Variants in SYN3 observed in about 807,000 individuals in gnomAD.
SYN3 encodes the protein synapsin-3.
SYN3 carries 35 observed loss-of-function variants against 65.8 expected under a neutral mutation model. The observed-to-expected ratio is 0.53, with a 90% confidence interval of 0.41 to 0.70. The LOEUF is 0.70. Among genes scored for constraint, SYN3 ranks in the 30% least tolerant of loss-of-function variants. The pLI is 0.00. For synonymous variants in SYN3, 270 were observed against 292.9 expected (o/e 0.92, Z 0.80); for missense variants, 680 against 749.0 (o/e 0.91, Z 1.08).
At chr22:32,649,764 G>T (rs1162199117) in intron 6 of SYN3, among the ~76,000 whole-genome samples, 1 of 152,204 alleles carries the variant, frequency 6.6e-6, no homozygotes, top group African/African-American at 2.4e-5. Context: ...CCCTGGTGAG[G>T]GGCTGGTTGG....
At chr22:32,555,226 G>T (rs937901490) in intron 7 of SYN3, among the ~76,000 whole-genome samples, 2 of 152,106 alleles carry the variant, frequency 1.3e-5, no homozygotes, top group Non-Finnish European at 2.9e-5. Context: ...ACAGAAAACT[G>T]GGTCTTAACA....
At chr22:32,722,592 T>C (rs776541139) in intron 6 of SYN3, among the ~76,000 whole-genome samples, 27 of 152,180 alleles carry the variant, frequency 1.8e-4, no homozygotes, top group Non-Finnish European at 3.7e-4. Context: ...GTCAGGCGGA[T>C]AGAAGTCTGG....
chr22:32,614,780 T>C (rs1270770087), intron 6 of SYN3, among the ~76,000 whole-genome samples: 1 of 152,188 alleles, frequency 6.6e-6, no homozygotes, highest in Non-Finnish European at 1.5e-5. Context: ...GCTTGTCAAA[T>C]GAAGCTGTGA....
chr22:32,528,110 C>G, intron 11 of SYN3, 105 bp from the exon 12 acceptor site: 1 of 883,218 alleles, frequency 1.1e-6, no homozygotes, highest in East Asian at 2.7e-5. Flanking sequence ...AGAAGAGACT[C>G]TTACACATAA....
intron 6 of SYN3, among the ~76,000 whole-genome samples, chr22:32,648,949 G>A (rs34173195): frequency 0.043 from 6,495 of 152,184 alleles, 233 homozygotes; most frequent in Non-Finnish European, 0.06. Context: ...AAACAAAGAG[G>A]CCCCTGGATG....
chr22:32,810,429 G>A (rs898608332), intron 6 of SYN3, among the ~76,000 whole-genome samples: 1 of 151,952 alleles, frequency 6.6e-6, no homozygotes, highest in African/African-American at 2.4e-5. Flanking sequence ...GGCTTTTTGT[G>A]GGGGTGGGGA....
chr22:33,026,420 C>T (rs5994657), intron 1 of SYN3, among the ~76,000 whole-genome samples: 25 of 152,292 alleles, frequency 1.6e-4, no homozygotes, highest in African/African-American at 5.5e-4. Context: ...TCCTGGAGTG[C>T]TCCAGATCAC....
intron 4 of SYN3, among the ~76,000 whole-genome samples, chr22:32,903,914 C>A (rs556652275): frequency 1.3e-5 from 2 of 152,340 alleles, no homozygotes; most frequent in South Asian, 2.1e-4. Flanking sequence ...TTTGCACCTA[C>A]TATGTATTGG....
In SYN3 at chr22:32,682,785, G is replaced by A. The variant is rs2060541210; in HGVS notation, c.712-86049C>T. On this transcript the variant is annotated intron_variant, in intron 6 of 13. Coordinates refer to ENST00000358763, the MANE Select transcript of SYN3 (RefSeq NM_003490.4). ...TTTTCACCAATAGGGTGGATGCCTG[G>A]ACTGCAGGTAGGCACATGCCCTTGT... Among the ~76,000 whole-genome samples, 3 of 152,160 alleles carry A rather than the reference G, an allele frequency of 2.0e-5. No homozygotes were observed. In the South Asian group the frequency reaches 6.2e-4, roughly 32 times the overall value.
chr22:32,874,289 AG>A (rs1231589913), intron 4 of SYN3, among the ~76,000 whole-genome samples: 4 of 152,132 alleles, frequency 2.6e-5, no homozygotes, highest in African/African-American at 9.7e-5. Context: ...TCCTGGCCGC[AG>A]GTTGTAGCTG....
At chr22:32,976,889 C>T (rs2052206642) in intron 3 of SYN3, among the ~76,000 whole-genome samples, 1 of 152,056 alleles carries the variant, frequency 6.6e-6, no homozygotes, top group Admixed American at 6.5e-5. Flanking sequence ...TTAATTTGGC[C>T]CTTGGTTGGG....
At chr22:32,666,807 A>C (rs1199519935) in intron 6 of SYN3, among the ~76,000 whole-genome samples, 1 of 152,092 alleles carries the variant, frequency 6.6e-6, no homozygotes, top group East Asian at 1.9e-4. Flanking sequence ...TATTTTGTTC[A>C]AATATCTAAG....
At chr22:33,043,313 C>T (rs1388267849) in intron 1 of SYN3, among the ~76,000 whole-genome samples, 2 of 152,146 alleles carry the variant, frequency 1.3e-5, no homozygotes, top group Non-Finnish European at 2.9e-5. Flanking sequence ...TTTGGGAGGC[C>T]GAGGTGGGCG....
Position 32,589,124 on chromosome 22 carries a change from G to A in SYN3, c.774+7550C>T, listed in dbSNP as rs372277680. On this transcript the variant is annotated intron_variant, in intron 7 of 13. Coordinates refer to ENST00000358763, the MANE Select transcript of SYN3 (RefSeq NM_003490.4). ...AGCCCTGCTCTGCAGGAGGAGTCACGGAGCTGTAACACTGCTGACTCAATA... is the reference window on the plus strand; with the variant it reads ...AGCCCTGCTCTGCAGGAGGAGTCACAGAGCTGTAACACTGCTGACTCAATA... 2.4e-4 allele frequency among the ~76,000 whole-genome samples: 37 copies of A among 152,286 alleles called. No individual in the cohort carries two copies. The Middle Eastern group carries it at 0.01, about 42-fold the overall frequency.
At chr22:32,915,875 A>T (rs185680631) in intron 4 of SYN3, among the ~76,000 whole-genome samples, 2 of 152,142 alleles carry the variant, frequency 1.3e-5, no homozygotes, top group East Asian at 3.9e-4. Flanking sequence ...TTGAAGGGGG[A>T]AATGGTGGAT....
intron 7 of SYN3, among the ~76,000 whole-genome samples, chr22:32,560,430 A>G (rs537016270): frequency 6.6e-6 from 1 of 152,238 alleles, no homozygotes; most frequent in African/African-American, 2.4e-5. Context: ...TTGGGACACT[A>G]TTTCTCATAG....
intron 6 of SYN3, among the ~76,000 whole-genome samples, chr22:32,671,410 C>T (rs1367354912): frequency 6.6e-6 from 1 of 151,962 alleles, no homozygotes; most frequent in East Asian, 1.9e-4. Context: ...ACACTCATCT[C>T]ACATACATAC....
Position 32,807,370 on chromosome 22 carries a change from TTA to T in SYN3, c.711+57543_711+57544del, listed in dbSNP as rs1457828240. ...ATAAATATATAATATATAATATATA[TTA>T]TATATAATATATATTATATATAATA... On this transcript the variant is annotated intron_variant, in intron 6 of 13. Coordinates refer to ENST00000358763, the MANE Select transcript of SYN3 (RefSeq NM_003490.4). Among the ~76,000 whole-genome samples the T allele has an allele frequency of 2.6e-5, 3 of 114,694 alleles. No individual in the cohort carries two copies. The East Asian group carries it at 6.5e-4, about 25-fold the overall frequency. The allele number at this position is 114,694 out of a possible 152,430, so 75.2% of individuals were successfully genotyped here. A position where few individuals can be genotyped will look rare whatever the true frequency, so the allele number is the denominator to read the frequency against.
intron 6 of SYN3, among the ~76,000 whole-genome samples, chr22:32,750,076 G>A (rs551548204): frequency 1.2e-4 from 19 of 152,138 alleles, no homozygotes; most frequent in South Asian, 4.1e-4. Context: ...GCCAGGTCCT[G>A]TTCTAGGTGC....
Sources: allele counts gnomAD v4.1 joint callset (sites outside exome capture counted in the v4.1 genomes callset), GRCh38; gene constraint gnomAD v4.1.1; transcripts MANE v1.5; gene names NCBI Gene and HGNC (gene_info 2026-07-23, HGNC 2026-07-21).